The following EYS variants were observed in gnomAD, a reference collection of about 807,000 sequenced individuals.
EYS encodes protein eyes shut homolog.
A neutral mutation model predicts 282.1 loss-of-function variants in EYS; 250 were observed. The ratio of observed to expected loss-of-function variants is 0.89; its 90% CI spans 0.80 to 0.98. The LOEUF (loss-of-function observed/expected upper bound fraction) is 0.98, where lower values mean the gene tolerates loss of function less well. Ranked by LOEUF, EYS falls within the 50% of genes least tolerant of loss-of-function variation. The pLI, the probability that EYS is intolerant of heterozygous loss-of-function variation, is 0.00. For synonymous variants in EYS, 1,355 were observed against 1,282.9 expected (o/e 1.06, Z -1.20); for missense variants, 4,016 against 3,709.0 (o/e 1.08, Z -2.15).
intron 13 of EYS, among the ~76,000 whole-genome samples, chr6:65,007,098 T>G (rs963518733): frequency 6.6e-6 from 1 of 152,132 alleles, no homozygotes; most frequent in African/African-American, 2.4e-5. Flanking sequence ...CCTTTTTTTG[T>G]GGTCAAGAGA....
chr6:64,565,107 A>G (rs1305917104), intron 26 of EYS, among the ~76,000 whole-genome samples: 1 of 151,806 alleles, frequency 6.6e-6, no homozygotes, highest in Non-Finnish European at 1.5e-5. Flanking sequence ...CATTCCCTAG[A>G]TTGTCTCTTT....
intron 2 of EYS, among the ~76,000 whole-genome samples, chr6:65,582,709 C>G (rs1247140364): frequency 2.0e-5 from 3 of 152,080 alleles, no homozygotes; most frequent in Non-Finnish European, 4.4e-5. Context: ...TTAGCCTATC[C>G]CAACAGAGGG....
intron 30 of EYS, among the ~76,000 whole-genome samples, chr6:64,287,975 G>A (rs2150364297): frequency 6.6e-6 from 1 of 152,220 alleles, no homozygotes; most frequent in Admixed American, 6.5e-5. Context: ...CTAAGTGAGA[G>A]AGATGAATTA....
chr6:64,520,782 C>T (rs929714903), intron 26 of EYS, among the ~76,000 whole-genome samples: 3 of 151,664 alleles, frequency 2.0e-5, no homozygotes, highest in Admixed American at 6.6e-5. Flanking sequence ...CTTCATAGCA[C>T]ATACAAAATT....
chr6:64,992,661 G>T (rs1341849850), intron 14 of EYS, among the ~76,000 whole-genome samples: 2 of 151,762 alleles, frequency 1.3e-5, no homozygotes, highest in Non-Finnish European at 2.9e-5. Context: ...CTTTCTTTAG[G>T]CATATTCAGA....
chr6:65,548,429 TAA>T (rs1768472973), intron 2 of EYS, among the ~76,000 whole-genome samples: 1 of 152,194 alleles, frequency 6.6e-6, no homozygotes, highest in African/African-American at 2.4e-5. Flanking sequence ...ATAACTGAAT[TAA>T]GTCATTTCAT....
At chr6:63,896,018 TTAATA>T (rs940498143) in intron 35 of EYS, among the ~76,000 whole-genome samples, 5 of 152,008 alleles carry the variant, frequency 3.3e-5, no homozygotes, top group Non-Finnish European at 7.4e-5. Flanking sequence ...TGTGAATATT[TTAATA>T]TTAGTGTTTA....
intron 12 of EYS, among the ~76,000 whole-genome samples, chr6:65,189,744 T>C (rs564998105): frequency 4.6e-4 from 70 of 151,636 alleles, no homozygotes; most frequent in Non-Finnish European, 8.8e-4. Flanking sequence ...AAAATTGAAA[T>C]TACTCCCTAA....
At chr6:63,794,991 A>G (rs1008771893) in intron 37 of EYS, among the ~76,000 whole-genome samples, 2 of 152,236 alleles carry the variant, frequency 1.3e-5, no homozygotes, top group Non-Finnish European at 2.9e-5. Flanking sequence ...GAGGAAGGAA[A>G]CAATAGGAAG....
intron 41 of EYS, among the ~76,000 whole-genome samples, chr6:63,749,959 T>A (rs1489333475): frequency 6.6e-6 from 1 of 152,212 alleles, no homozygotes; most frequent in Non-Finnish European, 1.5e-5. Flanking sequence ...TTGGCCATCT[T>A]GCCCAAATCT....
chr6:64,131,790 G>C (rs761511844), intron 31 of EYS, among the ~76,000 whole-genome samples: 2 of 152,154 alleles, frequency 1.3e-5, no homozygotes, highest in Non-Finnish European at 2.9e-5. Context: ...CTTGCTGAGA[G>C]TTACACTTCA....
chr6:64,989,462 AATATATAT>A lies in EYS; in HGVS notation c.2259+8112_2259+8119del, dbSNP rs372288581. 5.6e-3 allele frequency among the ~76,000 whole-genome samples: 564 copies of A among 101,158 alleles called. 10 individuals are homozygous for A. Among genetic ancestry groups the A allele is most frequent in the African/African-American group, 0.022 (520 of 23,938 alleles). The allele number at this position is 101,158 out of a possible 152,430, so 66.4% of individuals were successfully genotyped here. On this transcript the variant is annotated intron_variant, in intron 14 of 42. Coordinates refer to ENST00000503581, the MANE Select transcript of EYS (RefSeq NM_001142800.2). ...AAGAGGCTATTTACTGGCTAGCTGT[AATATATAT>A]ATATATATATATATATAAGAATATA... is the stretch of plus-strand genomic sequence containing the variant.
intron 5 of EYS, among the ~76,000 whole-genome samples, chr6:65,450,699 T>G (rs980365158): frequency 1.3e-5 from 2 of 152,106 alleles, no homozygotes; most frequent in Non-Finnish European, 2.9e-5. Flanking sequence ...GGCAATCCCT[T>G]AAGGGGCTGA....
chr6:65,213,085 T>G (rs559631878), intron 12 of EYS, among the ~76,000 whole-genome samples: 24 of 152,316 alleles, frequency 1.6e-4, no homozygotes, highest in African/African-American at 5.5e-4. Context: ...TGTTATTTTA[T>G]AGTCAGAAAC....
At chr6:63,833,061 G>A (rs1442532602) in intron 36 of EYS, among the ~76,000 whole-genome samples, 3 of 152,098 alleles carry the variant, frequency 2.0e-5, no homozygotes, top group South Asian at 4.1e-4. Flanking sequence ...TTGATGGGAT[G>A]TATCTCAAAA....
At chr6:64,449,374 G>A (rs540754764) in intron 26 of EYS, among the ~76,000 whole-genome samples, 10 of 152,284 alleles carry the variant, frequency 6.6e-5, no homozygotes, top group South Asian at 2.1e-4. Flanking sequence ...CCAACTCTAC[G>A]TCTCATTGGT....
intron 8 of EYS, among the ~76,000 whole-genome samples, chr6:65,377,557 A>C (rs1248354712): frequency 2.6e-5 from 4 of 152,142 alleles, no homozygotes; most frequent in African/African-American, 9.6e-5. Flanking sequence ...AGGCATGAAA[A>C]ACCCTTCAAA....
intron 8 of EYS, among the ~76,000 whole-genome samples, chr6:65,379,607 T>C (rs1329951020): frequency 2.0e-5 from 3 of 152,028 alleles, no homozygotes; most frequent in Admixed American, 1.3e-4. Flanking sequence ...ATGTTGGAAG[T>C]TCTGGCTAGA....
At chr6:64,443,004 C>A (rs1420291066) in intron 26 of EYS, among the ~76,000 whole-genome samples, 1 of 152,122 alleles carries the variant, frequency 6.6e-6, no homozygotes. Flanking sequence ...AATGGTAGAT[C>A]CACTGACGGC....
Sources: gnomAD v4.1 joint callset for allele counts (sites outside exome capture counted in the v4.1 genomes callset) on GRCh38, gnomAD v4.1.1 for gene constraint, MANE v1.5 for transcripts, NCBI Gene and HGNC (gene_info 2026-07-23, HGNC 2026-07-21) for gene names.